Variants in ADCY2 observed in about 807,000 individuals in gnomAD.
ADCY2 encodes the protein adenylate cyclase type 2.
Under a neutral mutation model 125.2 loss-of-function variants are expected in ADCY2, and 31 were observed. The ratio of observed to expected loss-of-function variants is 0.25; its 90% CI spans 0.19 to 0.33. ADCY2 has a LOEUF of 0.33. Ranked by LOEUF, ADCY2 falls within the 10% of genes least tolerant of loss-of-function variation. ADCY2 has a pLI of 1.00. For missense variants in ADCY2, 904 were observed against 1,418.2 expected (o/e 0.64, Z 5.82); for synonymous variants, 512 against 548.4 (o/e 0.93, Z 0.93).
chr5:7,456,451 A>G (rs1039777546), intron 2 of ADCY2, among the ~76,000 whole-genome samples: 1 of 152,202 alleles, frequency 6.6e-6, no homozygotes, highest in African/African-American at 2.4e-5. Context: ...TAAGTTACTG[A>G]AGTAAGACGC....
At chr5:7,519,091 A>G (rs988185604) in intron 2 of ADCY2, among the ~76,000 whole-genome samples, 2 of 152,136 alleles carry the variant, frequency 1.3e-5, no homozygotes, top group African/African-American at 4.8e-5. Flanking sequence ...TTTTTAGGCT[A>G]TGTCTCCTGA....
In ADCY2 at chr5:7,432,490, A is replaced by G. The variant is rs148692715; in HGVS notation, c.408+17720A>G. ...GAGTTTTTTCCTGCCAGCGCCCAAAAGCATTCACCCTGGCTCCTGGACCCG... is the reference window on the plus strand; with the variant it reads ...GAGTTTTTTCCTGCCAGCGCCCAAAGGCATTCACCCTGGCTCCTGGACCCG... On this transcript the variant is annotated intron_variant, in intron 2 of 24. Transcript: ENST00000338316. Among the ~76,000 whole-genome samples, 592 of 152,222 alleles carry G rather than the reference A, an allele frequency of 3.9e-3. 1 individual carries two copies. The highest frequency in any genetic ancestry group is 0.014 in the African/African-American group (569 of 41,530).
rs766913783 is a variant in ADCY2 at position 7,820,650 on chromosome 5, C to T, written c.3084C>T (p.Ala1028=). ...YDIWGNTVNV[A]SRMDSTGVLD... ...TCTGGGGCAACACTGTCAATGTGGC[C>T]AGTAGGATGGACAGCACCGGAGTCC... The change falls in exon 24 of 25, where the codon GCC becomes GCT. Residue 1028 remains alanine (A), a synonymous_variant. Coordinates refer to ENST00000338316, the MANE Select transcript of ADCY2 (RefSeq NM_020546.3). 1.4e-5 allele frequency: 22 copies of T among 1,613,846 alleles called. No homozygotes were observed. The highest frequency in any genetic ancestry group is 4.0e-5 in the African/African-American group (3 of 74,850).
intron 4 of ADCY2, among the ~76,000 whole-genome samples, chr5:7,629,987 A>G (rs1296596831): frequency 1.3e-5 from 2 of 152,234 alleles, no homozygotes; most frequent in East Asian, 3.8e-4. Context: ...TTGTTTTAGA[A>G]TAATTTAACA....
rs560013260 is a variant in ADCY2 at position 7,442,822 on chromosome 5, C to G, written c.408+28052C>G. On this transcript the variant is annotated intron_variant, in intron 2 of 24. Coordinates refer to ENST00000338316, the MANE Select transcript of ADCY2 (RefSeq NM_020546.3). Reference sequence around the variant, plus strand: ...AATTTTCAGAGTAAGGAATCTGTGCCCTATTACTCGGTGATTAATTTTTCT... The same window carrying G: ...AATTTTCAGAGTAAGGAATCTGTGCGCTATTACTCGGTGATTAATTTTTCT... Among the ~76,000 whole-genome samples the G allele has an allele frequency of 1.2e-4, 19 of 152,134 alleles. No homozygotes were observed. In the South Asian group the frequency reaches 3.9e-3, roughly 32 times the overall value.
chr5:7,576,562 A>T (rs1206977446), intron 3 of ADCY2, among the ~76,000 whole-genome samples: 1 of 152,234 alleles, frequency 6.6e-6, no homozygotes, highest in South Asian at 2.1e-4. Context: ...TGGGTAAGTA[A>T]TAACAACAGG....
chr5:7,500,932 A>G (rs1309744660), intron 2 of ADCY2, among the ~76,000 whole-genome samples: 5 of 152,132 alleles, frequency 3.3e-5, no homozygotes, highest in Admixed American at 6.5e-5. Flanking sequence ...TTCTTTGAAA[A>G]TGATCAACAC....
chr5:7,808,304 A>G (rs1744820805), intron 22 of ADCY2, among the ~76,000 whole-genome samples: 1 of 152,178 alleles, frequency 6.6e-6, no homozygotes, highest in Non-Finnish European at 1.5e-5. Context: ...GTGGCCTTCA[A>G]AGTCCCCAGC....
At chr5:7,489,838 G>T (rs1026508701) in intron 2 of ADCY2, among the ~76,000 whole-genome samples, 7 of 152,220 alleles carry the variant, frequency 4.6e-5, no homozygotes, top group Non-Finnish European at 8.8e-5. Context: ...TGTGGCAGGA[G>T]GTTCACTCTT....
intron 3 of ADCY2, among the ~76,000 whole-genome samples, chr5:7,545,210 A>C (rs1356598874): frequency 2.0e-5 from 3 of 152,184 alleles, no homozygotes; most frequent in Non-Finnish European, 2.9e-5. Flanking sequence ...GATCTTGGGC[A>C]CCATCCAGGA....
intron 4 of ADCY2, among the ~76,000 whole-genome samples, chr5:7,664,065 A>G (rs1331699928): frequency 6.6e-6 from 1 of 152,202 alleles, no homozygotes; most frequent in Non-Finnish European, 1.5e-5. Flanking sequence ...TAGCATGACA[A>G]AACCCTACAA....
chr5:7,484,955 C>A (rs1165887796), intron 2 of ADCY2, among the ~76,000 whole-genome samples: 1 of 152,184 alleles, frequency 6.6e-6, no homozygotes, highest in Non-Finnish European at 1.5e-5. Flanking sequence ...TGGTCCCAGT[C>A]TTCCGTAGAC....
intron 23 of ADCY2, among the ~76,000 whole-genome samples, chr5:7,820,169 G>A (rs1465138243): frequency 6.6e-6 from 1 of 152,098 alleles, no homozygotes; most frequent in African/African-American, 2.4e-5. Context: ...CAGTATTGGG[G>A]CTGTTTCCTG....
intron 2 of ADCY2, among the ~76,000 whole-genome samples, chr5:7,482,298 T>C (rs915997060): frequency 5.3e-5 from 8 of 152,214 alleles, no homozygotes; most frequent in African/African-American, 1.9e-4. Flanking sequence ...CATTTTTTGC[T>C]GTTGGGTTGT....
At chr5:7,450,851 C>A (rs1741445735) in intron 2 of ADCY2, among the ~76,000 whole-genome samples, 1 of 152,110 alleles carries the variant, frequency 6.6e-6, no homozygotes, top group Non-Finnish European at 1.5e-5. Flanking sequence ...ATAAATGGAA[C>A]AACAAAGCCT....
At chr5:7,430,269 C>G (rs1165208324) in intron 2 of ADCY2, among the ~76,000 whole-genome samples, 1 of 151,812 alleles carries the variant, frequency 6.6e-6, no homozygotes, top group African/African-American at 2.4e-5. Flanking sequence ...GTGAATTATA[C>G]CAAAGTTTAA....
intron 2 of ADCY2, among the ~76,000 whole-genome samples, chr5:7,478,691 A>G (rs995005898): frequency 2.0e-5 from 3 of 152,168 alleles, no homozygotes; most frequent in African/African-American, 7.2e-5. Flanking sequence ...ATGTTTTTTT[A>G]AAGGGAAAGT....
intron 2 of ADCY2, among the ~76,000 whole-genome samples, chr5:7,423,970 T>C (rs911225464): frequency 1.1e-4 from 17 of 152,214 alleles, no homozygotes; most frequent in Admixed American, 1.1e-3. Context: ...AGGAGTCCGA[T>C]GTAAATTATT....
intron 2 of ADCY2, among the ~76,000 whole-genome samples, chr5:7,460,123 T>G (rs34843): frequency 0.028 from 4,284 of 152,170 alleles, 86 homozygotes; most frequent in Middle Eastern, 0.075. Context: ...GTTTGCAAAG[T>G]GAATATTTAA....
Sources: gnomAD v4.1 joint callset for allele counts (sites outside exome capture counted in the v4.1 genomes callset) on GRCh38, gnomAD v4.1.1 for gene constraint, MANE v1.5 for transcripts, NCBI Gene and HGNC (gene_info 2026-07-23, HGNC 2026-07-21) for gene names.